Variants in PTGFR observed in about 807,000 individuals in gnomAD.
PTGFR encodes prostaglandin F2-alpha receptor.
A neutral mutation model predicts 26.2 loss-of-function variants in PTGFR; 15 were observed. The ratio of observed to expected loss-of-function variants is 0.57; its 90% confidence interval spans 0.38 to 0.88. The LOEUF (loss-of-function observed/expected upper bound fraction) is 0.88, where lower values mean the gene tolerates loss of function less well. Among genes scored for constraint, PTGFR ranks in the 40% least tolerant of loss-of-function variants. PTGFR has a pLI of 0.00. For missense variants in PTGFR, 369 were observed against 427.2 expected (o/e 0.86, Z 1.20); for synonymous variants, 165 against 151.1 (o/e 1.09, Z -0.68).
At chr1:78,524,025 G>T (rs1317169645) in intron 2 of PTGFR, among the ~76,000 whole-genome samples, 1 of 152,234 alleles carries the variant, frequency 6.6e-6, no homozygotes, top group East Asian at 1.9e-4. Context: ...CAAAGGTCTA[G>T]TGCAACTTAC....
chr1:78,514,727 G>C (rs1650052954), intron 2 of PTGFR, among the ~76,000 whole-genome samples: 1 of 152,118 alleles, frequency 6.6e-6, no homozygotes, highest in African/African-American at 2.4e-5. Flanking sequence ...TAAAGTTGGA[G>C]GTGCGGCCTG....
intron 2 of PTGFR, among the ~76,000 whole-genome samples, chr1:78,512,650 T>A (rs538549869): frequency 5.1e-4 from 77 of 152,306 alleles, no homozygotes; most frequent in African/African-American, 1.7e-3. Context: ...CCTAAACACC[T>A]TTCTCCAGCC....
At chr1:78,518,329 A>G (rs1650140667) in intron 2 of PTGFR, among the ~76,000 whole-genome samples, 1 of 152,064 alleles carries the variant, frequency 6.6e-6, no homozygotes, top group Non-Finnish European at 1.5e-5. Context: ...AAAGTTATGT[A>G]TCTACATTTT....
chr1:78,535,268 T>C (rs184909441), intron 2 of PTGFR, among the ~76,000 whole-genome samples: 256 of 152,234 alleles, frequency 1.7e-3, no homozygotes, highest in Non-Finnish European at 3.0e-3. Flanking sequence ...AGTGGTTGTA[T>C]CATACGGAAT....
At chr1:78,505,370 A>G (rs61769130) in intron 2 of PTGFR, among the ~76,000 whole-genome samples, 12,442 of 151,802 alleles carry the variant, frequency 0.082, 850 homozygotes, top group African/African-American at 0.19. Flanking sequence ...TGATCCACCC[A>G]CCTCGGCCTC....
chr1:78,529,591 CTT>C (rs1211290130), intron 2 of PTGFR, among the ~76,000 whole-genome samples: 1 of 152,104 alleles, frequency 6.6e-6, no homozygotes, highest in Admixed American at 6.6e-5. Flanking sequence ...TCTTCTAAGA[CTT>C]TTAATTTGCC....
At chr1:78,519,445 A>C (rs1650172429) in intron 2 of PTGFR, among the ~76,000 whole-genome samples, 1 of 152,250 alleles carries the variant, frequency 6.6e-6, no homozygotes, top group African/African-American at 2.4e-5. Flanking sequence ...TTTTCACATA[A>C]TATCTGGTAA....
At position 78,526,947 on chromosome 1, in the gene PTGFR, C is replaced by A. The variant is rs183675085; in HGVS notation, c.799-9459C>A. 6.4e-4 allele frequency among the ~76,000 whole-genome samples: 98 copies of A among 152,170 alleles called. 1 individual carries two copies. In the East Asian group the frequency reaches 0.017, roughly 27 times the overall value. ...AGGCATATCTTGCAGGGCCTTGTAGCTTTGTTAAGGATAGATGATAGTCAG... is the reference window on the plus strand; with the variant it reads ...AGGCATATCTTGCAGGGCCTTGTAGATTTGTTAAGGATAGATGATAGTCAG... On this transcript the variant is annotated intron_variant, in intron 2 of 2. Transcript: ENST00000370757.
At chr1:78,503,272 TA>T (rs1477620003) in intron 2 of PTGFR, among the ~76,000 whole-genome samples, 7 of 152,150 alleles carry the variant, frequency 4.6e-5, no homozygotes, top group African/African-American at 1.4e-4. Flanking sequence ...ATTAGTATTT[TA>T]TACTATCTTT....
intron 2 of PTGFR, among the ~76,000 whole-genome samples, chr1:78,529,001 C>T (rs1650442831): frequency 6.6e-6 from 1 of 151,254 alleles, no homozygotes; most frequent in Admixed American, 6.6e-5. Context: ...TGCCCAGGCA[C>T]AAAAGACCTA....
intron 2 of PTGFR, among the ~76,000 whole-genome samples, chr1:78,534,692 A>G (rs553808428): frequency 2.8e-5 from 4 of 144,330 alleles, no homozygotes; most frequent in Non-Finnish European, 6.2e-5. Context: ...AAAATTACAT[A>G]TTTGGTTTTT....
intron 2 of PTGFR, among the ~76,000 whole-genome samples, chr1:78,533,042 A>G (rs1650561508): frequency 6.6e-6 from 1 of 152,160 alleles, no homozygotes; most frequent in Non-Finnish European, 1.5e-5. Context: ...GACCATATAT[A>G]GAGTTAGTTT....
chr1:78,531,595 G>A lies in PTGFR; in HGVS notation c.799-4811G>A, dbSNP rs115272314. ...AGTTAAAGGTCATAGAGAGTCTGAG[G>A]AATTCCTTGAAACAAAAGTTCATAT... On this transcript the variant is annotated intron_variant, in intron 2 of 2. Coordinates refer to ENST00000370757, the MANE Select transcript of PTGFR (RefSeq NM_000959.4). Among the ~76,000 whole-genome samples, 766 of 152,164 alleles carry A rather than the reference G, an allele frequency of 5.0e-3. 3 individuals carry two copies. The highest frequency in any genetic ancestry group is 6.9e-3 in the Non-Finnish European group (468 of 67,990).
intron 2 of PTGFR, among the ~76,000 whole-genome samples, chr1:78,520,155 G>C (rs925081742): frequency 6.6e-6 from 1 of 151,986 alleles, no homozygotes; most frequent in African/African-American, 2.4e-5. Flanking sequence ...TCTGAGATAG[G>C]GGGTTTTGGA....
chr1:78,493,278 A>G lies in PTGFR; in HGVS notation c.535A>G (p.Ile179Val), dbSNP rs144613797. 15 of 1,614,214 alleles carry G rather than the reference A, an allele frequency of 9.3e-6. No individual in the cohort carries two copies. The highest frequency in any genetic ancestry group is 1.6e-4 in the Middle Eastern group (1 of 6,062). The change falls in exon 2 of 3, where the codon ATT becomes GTT. Residue 179 changes from isoleucine (I) to valine (V), a missense_variant. Transcript: ENST00000370757. ...LPILGHRDYK[I>V]QASRTWCFYN... Reference sequence around the variant, plus strand: ...CATCCTTGGACATCGAGACTATAAAATTCAGGCGTCGAGGACCTGGTGTTT... The same window carrying G: ...CATCCTTGGACATCGAGACTATAAAGTTCAGGCGTCGAGGACCTGGTGTTT...
chr1:78,515,685 T>A (rs1013802568), intron 2 of PTGFR, among the ~76,000 whole-genome samples: 5 of 152,240 alleles, frequency 3.3e-5, no homozygotes, highest in Admixed American at 6.5e-5. Flanking sequence ...CTTGTATTTA[T>A]CTCTCTGTAG....
intron 1 of PTGFR, 99 bp from the exon 2 acceptor site, chr1:78,492,572 GA>G: frequency 1.6e-6 from 1 of 634,802 alleles, no homozygotes; most frequent in East Asian, 2.8e-5. Flanking sequence ...TGATAGGCCA[GA>G]TAAAACCCAT....
At chr1:78,521,338 C>T (rs1650236911) in intron 2 of PTGFR, among the ~76,000 whole-genome samples, 1 of 152,112 alleles carries the variant, frequency 6.6e-6, no homozygotes, top group Non-Finnish European at 1.5e-5. Flanking sequence ...GTATGATGCT[C>T]TTGTTCATCT....
intron 2 of PTGFR, among the ~76,000 whole-genome samples, chr1:78,516,117 T>A (rs1002593863): frequency 5.3e-5 from 8 of 152,146 alleles, no homozygotes; most frequent in Non-Finnish European, 1.0e-4. Flanking sequence ...TTAATTTTTT[T>A]AAAAAAACCA....
Sources: gnomAD v4.1 joint callset for allele counts (sites outside exome capture counted in the v4.1 genomes callset) on GRCh38, gnomAD v4.1.1 for gene constraint, MANE v1.5 for transcripts, NCBI Gene and HGNC (gene_info 2026-07-23, HGNC 2026-07-21) for gene names.